Variants in NFAT5 observed in about 807,000 individuals in gnomAD.
NFAT5 encodes nuclear factor of activated T-cells 5.
NFAT5 carries 31 observed loss-of-function variants against 166.5 expected under a neutral mutation model. The ratio of observed to expected loss-of-function variants is 0.19; its 90% CI spans 0.14 to 0.25. The LOEUF (loss-of-function observed/expected upper bound fraction) is 0.25, where lower values mean the gene tolerates loss of function less well. NFAT5 is among the 10% of genes least tolerant of loss of function. The pLI, the probability that NFAT5 is intolerant of heterozygous loss-of-function variation, is 1.00. For synonymous variants in NFAT5, 612 were observed against 639.7 expected, an observed-to-expected ratio of 0.96 and a Z score of 0.65; for missense variants, 1,449 against 1,821.8, an observed-to-expected ratio of 0.80 and a Z score of 3.72.
At chr16:69,571,698 AT>A (rs200781863) in intron 2 of NFAT5, among the ~76,000 whole-genome samples, 1 of 148,144 alleles carries the variant, frequency 6.8e-6, no homozygotes, top group Non-Finnish European at 1.5e-5. Context: ...CCAAATTTAA[AT>A]TTTTTTTTTG....
At chr16:69,610,810 A>G (rs2033671619) in intron 2 of NFAT5, among the ~76,000 whole-genome samples, 1 of 152,220 alleles carries the variant, frequency 6.6e-6, no homozygotes, top group South Asian at 2.1e-4. Flanking sequence ...TACATTCATT[A>G]CATTCATACC....
At chr16:69,608,152 C>A (rs974350708) in intron 2 of NFAT5, among the ~76,000 whole-genome samples, 1 of 149,096 alleles carries the variant, frequency 6.7e-6, no homozygotes, top group African/African-American at 2.5e-5. Flanking sequence ...GTCAGGAGTT[C>A]GAGACCAGGC....
In NFAT5 at chr16:69,627,617, A is replaced by G. The variant is rs190013950; in HGVS notation, c.253+1089A>G. On this transcript the variant is annotated intron_variant, in intron 3 of 14. Coordinates refer to ENST00000349945, the MANE Select transcript of NFAT5 (RefSeq NM_138713.4). ...TATGTACCATTAACCTTATGTACCA[A>G]TCTTTCTCAGGCTGCATAGTGCATT... 4.8e-3 allele frequency among the ~76,000 whole-genome samples: 669 copies of G among 138,952 alleles called. 2 individuals carry two copies. The highest frequency in any genetic ancestry group is 0.019 in the Middle Eastern group (5 of 266). 91.2% of individuals were successfully genotyped at this position (138,952 alleles called of 152,430 possible).
chr16:69,593,879 T>C (rs1320862463), intron 2 of NFAT5, among the ~76,000 whole-genome samples: 1 of 152,228 alleles, frequency 6.6e-6, no homozygotes, highest in Non-Finnish European at 1.5e-5. Flanking sequence ...TTCCAGATCC[T>C]GTTTTCAGCT....
At chr16:69,590,192 T>G (rs9940548) in intron 2 of NFAT5, among the ~76,000 whole-genome samples, 1 of 151,968 alleles carries the variant, frequency 6.6e-6, no homozygotes, top group African/African-American at 2.4e-5. Flanking sequence ...AAAAAATAAA[T>G]AAAGCTCTGC....
At chr16:69,587,362 C>CTGTAAAAAAA (rs148437125) in intron 2 of NFAT5, among the ~76,000 whole-genome samples, 1 of 150,818 alleles carries the variant, frequency 6.6e-6, no homozygotes, top group South Asian at 2.1e-4. Context: ...AGGTGTGAGC[C>CTGTAAAAAAA]ACCATGCCCG....
At chr16:69,580,404 G>T (rs1009225014) in intron 2 of NFAT5, among the ~76,000 whole-genome samples, 31 of 151,666 alleles carry the variant, frequency 2.0e-4, no homozygotes, top group African/African-American at 7.3e-4. Flanking sequence ...GGTGGCGTGT[G>T]CCTGTAGTCC....
In NFAT5 at chr16:69,669,674, A is replaced by G. The variant is rs141841598; in HGVS notation, c.1370-303A>G. Among the ~76,000 whole-genome samples the G allele has an allele frequency of 1.5e-3, 236 of 152,370 alleles. 5 individuals are homozygous for G. The East Asian group carries it at 0.031, about 20-fold the overall frequency. ...ATAACACACAATTTAAAAGAAGACA[A>G]CAAAACAAAACTCAGTGGCTTACAA... On this transcript the variant is annotated intron_variant, in intron 7 of 14. Transcript: ENST00000349945.
chr16:69,583,176 T>C (rs1385655584), intron 2 of NFAT5, among the ~76,000 whole-genome samples: 1 of 151,874 alleles, frequency 6.6e-6, no homozygotes, highest in Non-Finnish European at 1.5e-5. Context: ...AATTTCTGTT[T>C]TATTTATTTA....
intron 2 of NFAT5, among the ~76,000 whole-genome samples, chr16:69,610,116 T>G (rs997552536): frequency 6.6e-6 from 1 of 152,180 alleles, no homozygotes; most frequent in Non-Finnish European, 1.5e-5. Context: ...ACTAACTTTT[T>G]AAGGCTTTAA....
In NFAT5 at chr16:69,700,038, A is replaced by C. The variant is rs1040495727; in HGVS notation, c.*3687A>C. On this transcript the variant is annotated 3_prime_UTR_variant, in exon 15 of 15. Transcript: ENST00000349945. ...AAACAAATAGTTTAAAAAAAGAACA[A>C]GTTTTTAAGGGCTTTATTATAGAAG... is the stretch of plus-strand genomic sequence containing the variant. 1.3e-5 allele frequency: 2 copies of C among 152,168 alleles called. No homozygotes were observed. 9.4% of individuals were successfully genotyped at this position (152,168 alleles called of 1,614,324 possible). A position where few individuals can be genotyped will look rare whatever the true frequency, so the allele number is the denominator to read the frequency against.
At chr16:69,682,252 A>G (rs1051866018) in intron 10 of NFAT5, among the ~76,000 whole-genome samples, 5 of 150,982 alleles carry the variant, frequency 3.3e-5, no homozygotes, top group Admixed American at 3.3e-4. Flanking sequence ...CTGTAACTCC[A>G]CAGTGGTGAT....
At chr16:69,678,012 G>A (rs2036900583) in intron 10 of NFAT5, among the ~76,000 whole-genome samples, 2 of 151,476 alleles carry the variant, frequency 1.3e-5, no homozygotes, top group South Asian at 2.1e-4. Context: ...AAAAAAATTA[G>A]CTGGGTGTGG....
At chr16:69,677,748 A>T (rs1221998085) in intron 10 of NFAT5, among the ~76,000 whole-genome samples, 1 of 152,242 alleles carries the variant, frequency 6.6e-6, no homozygotes, top group African/African-American at 2.4e-5. Context: ...CTAGAGTGAC[A>T]GGTGATAAAA....
intron 5 of NFAT5, among the ~76,000 whole-genome samples, chr16:69,655,386 T>C (rs1597479596): frequency 6.6e-6 from 1 of 152,092 alleles, no homozygotes; most frequent in East Asian, 1.9e-4. Flanking sequence ...ACATCTAAAT[T>C]TATAATTTAA....
At chr16:69,626,971 C>G (rs1028858005) in intron 3 of NFAT5, among the ~76,000 whole-genome samples, 4 of 151,718 alleles carry the variant, frequency 2.6e-5, no homozygotes, top group African/African-American at 9.7e-5. Context: ...GTTACTGAAA[C>G]CTTTTTATTA....
intron 7 of NFAT5, among the ~76,000 whole-genome samples, chr16:69,668,952 G>A (rs1003644582): frequency 2.6e-5 from 4 of 152,110 alleles, no homozygotes; most frequent in South Asian, 2.1e-4. Flanking sequence ...ACTTAACACC[G>A]GTGCAGTCAT....
At chr16:69,607,209 A>T (rs998842341) in intron 2 of NFAT5, among the ~76,000 whole-genome samples, 2 of 152,200 alleles carry the variant, frequency 1.3e-5, no homozygotes, top group Non-Finnish European at 2.9e-5. Context: ...TAAGTGATAC[A>T]TTTATGATGA....
At chr16:69,669,533 A>C (rs1360273357) in intron 7 of NFAT5, among the ~76,000 whole-genome samples, 1 of 152,150 alleles carries the variant, frequency 6.6e-6, no homozygotes, top group East Asian at 1.9e-4. Context: ...CGACAGAGTG[A>C]GACTCAGTCT....
Sources: gnomAD v4.1 joint callset for allele counts (sites outside exome capture counted in the v4.1 genomes callset) on GRCh38, gnomAD v4.1.1 for gene constraint, MANE v1.5 for transcripts, NCBI Gene and HGNC (gene_info 2026-07-23, HGNC 2026-07-21) for gene names.